The following ADK variants were observed in gnomAD, a reference collection of about 807,000 sequenced individuals.
ADK encodes the protein adenosine kinase.
A neutral mutation model predicts 44.7 loss-of-function variants in ADK; 24 were observed. The ratio of observed to expected loss-of-function variants is 0.54; its 90% CI spans 0.39 to 0.76. ADK has a LOEUF of 0.76. ADK is among the 30% of genes least tolerant of loss of function. The probability of loss-of-function intolerance (pLI) is 0.00; values close to 1 mark genes in which losing one functional copy is unlikely to be tolerated. For synonymous variants in ADK, 128 were observed against 142.6 expected (o/e 0.90, Z 0.73); for missense variants, 321 against 425.1 (o/e 0.76, Z 2.15).
At chr10:74,419,104 C>T (rs537134757) in intron 6 of ADK, among the ~76,000 whole-genome samples, 5 of 152,158 alleles carry the variant, frequency 3.3e-5, no homozygotes, top group Admixed American at 6.5e-5. Flanking sequence ...AAGCTTTTCA[C>T]GTGGTTTTAG....
At chr10:74,631,593 G>A (rs1209604219) in intron 9 of ADK, among the ~76,000 whole-genome samples, 2 of 151,912 alleles carry the variant, frequency 1.3e-5, no homozygotes, top group African/African-American at 4.8e-5. Context: ...GTACACAGTA[G>A]TATCACCTAT....
chr10:74,438,740 C>A (rs1333501877), intron 6 of ADK, among the ~76,000 whole-genome samples: 1 of 151,772 alleles, frequency 6.6e-6, no homozygotes, highest in Non-Finnish European at 1.5e-5. Context: ...CCTCCTTTAC[C>A]CCCTCTTTTT....
At chr10:74,517,543 G>A in intron 6 of ADK, among the ~76,000 whole-genome samples, 1 of 151,932 alleles carries the variant, frequency 6.6e-6, no homozygotes, top group East Asian at 1.9e-4. Flanking sequence ...ACAAAAACTA[G>A]CTGGGCGTCG....
At chr10:74,223,652 C>G (rs1376386647) in intron 2 of ADK, among the ~76,000 whole-genome samples, 2 of 151,914 alleles carry the variant, frequency 1.3e-5, no homozygotes, top group African/African-American at 4.8e-5. Flanking sequence ...TGTTTACCTT[C>G]AGCAGTACAA....
chr10:74,176,883 T>C (rs765483266), intron 1 of ADK: 3 of 1,609,962 alleles, frequency 1.9e-6, no homozygotes, highest in Admixed American at 3.3e-5. Flanking sequence ...ATGACGTCAG[T>C]CAGGTAACGA....
intron 6 of ADK, among the ~76,000 whole-genome samples, chr10:74,414,205 A>C (rs989945098): frequency 6.6e-6 from 1 of 152,174 alleles, no homozygotes; most frequent in African/African-American, 2.4e-5. Context: ...TAAACCTTCG[A>C]TTTGTAAAAA....
chr10:74,482,625 C>T (rs1168516148), intron 6 of ADK, among the ~76,000 whole-genome samples: 5 of 152,186 alleles, frequency 3.3e-5, no homozygotes, highest in Non-Finnish European at 5.9e-5. Flanking sequence ...CAATCTCTTC[C>T]ACCTCTGAGC....
chr10:74,484,359 C>T (rs370269196), intron 6 of ADK, among the ~76,000 whole-genome samples: 3 of 152,294 alleles, frequency 2.0e-5, no homozygotes, highest in East Asian at 3.9e-4. Context: ...CCCCACTAGG[C>T]CCCTCTTCTA....
At position 74,366,189 on chromosome 10, in the gene ADK, A is replaced by G. The variant is rs187989834; in HGVS notation, c.274-27952A>G. 3.0e-3 allele frequency among the ~76,000 whole-genome samples: 454 copies of G among 152,226 alleles called. 2 individuals are homozygous for G. The highest frequency in any genetic ancestry group is 0.01 in the African/African-American group (431 of 41,518). ...ATCTATTATTATAGTCTTGTTATTC[A>G]TAATTACTTGAATATTATCAGCATC... On this transcript the variant is annotated intron_variant, in intron 4 of 10. Coordinates refer to ENST00000539909, the MANE Select transcript of ADK (RefSeq NM_006721.4).
At chr10:74,672,835 C>T (rs1302453216) in intron 10 of ADK, among the ~76,000 whole-genome samples, 1 of 152,008 alleles carries the variant, frequency 6.6e-6, no homozygotes, top group African/African-American at 2.4e-5. Flanking sequence ...ATTTTTACCC[C>T]TATTTTACTG....
chr10:74,393,265 C>G (rs189899359), intron 4 of ADK, among the ~76,000 whole-genome samples: 7 of 152,090 alleles, frequency 4.6e-5, no homozygotes, highest in Admixed American at 3.3e-4. Flanking sequence ...ATTTTGCTAC[C>G]TGTAAGTCTT....
chr10:74,682,823 C>T (rs1855661705), intron 10 of ADK, among the ~76,000 whole-genome samples: 1 of 152,168 alleles, frequency 6.6e-6, no homozygotes, highest in South Asian at 2.1e-4. Context: ...ATCCACCCGC[C>T]TTGGCCTCCC....
chr10:74,553,610 T>A (rs923342642), intron 7 of ADK, among the ~76,000 whole-genome samples: 24 of 152,150 alleles, frequency 1.6e-4, no homozygotes, highest in African/African-American at 5.6e-4. Flanking sequence ...AAGAGTCAGA[T>A]GCAAAACAGT....
At chr10:74,296,840 T>C (rs1839836325) in intron 3 of ADK, among the ~76,000 whole-genome samples, 1 of 152,064 alleles carries the variant, frequency 6.6e-6, no homozygotes. Flanking sequence ...GGTCTTGATC[T>C]CCTGACCTCA....
At chr10:74,193,668 A>T (rs1843029495) in intron 1 of ADK, among the ~76,000 whole-genome samples, 1 of 151,982 alleles carries the variant, frequency 6.6e-6, no homozygotes, top group Non-Finnish European at 1.5e-5. Flanking sequence ...GTCCCAACTT[A>T]TTGGGAGGCT....
rs60670688 is a variant in ADK, at chr10:74,205,040, C to CAAAAA, written c.140+4227_140+4231dup. Among the ~76,000 whole-genome samples the CAAAAA allele has an allele frequency of 1.9e-3, 100 of 51,650 alleles. 1 individual carries two copies. Among genetic ancestry groups the CAAAAA allele is most frequent in the African/African-American group, 3.5e-3 (35 of 10,128 alleles). 33.9% of individuals were successfully genotyped at this position (51,650 alleles called of 152,430 possible). A position where few individuals can be genotyped will look rare whatever the true frequency, so the allele number is the denominator to read the frequency against. ...GGGTGACAGAGTTGACACTCTGTCT[C>CAAAAA]AAAAAAAAAAAAAAAAAAAAAAAAA... is the stretch of plus-strand genomic sequence containing the variant. On this transcript the variant is annotated intron_variant, in intron 2 of 10. Transcript: ENST00000539909.
intron 6 of ADK, among the ~76,000 whole-genome samples, chr10:74,499,842 T>C (rs986640362): frequency 6.6e-6 from 1 of 152,212 alleles, no homozygotes; most frequent in African/African-American, 2.4e-5. Flanking sequence ...CCCAATCTTA[T>C]ACTGTTCTGT....
intron 2 of ADK, among the ~76,000 whole-genome samples, chr10:74,207,688 T>A (rs550283296): frequency 1.3e-5 from 2 of 152,232 alleles, no homozygotes; most frequent in South Asian, 4.1e-4. Flanking sequence ...GGGAGAAGTG[T>A]GTGCTGATTG....
intron 2 of ADK, among the ~76,000 whole-genome samples, chr10:74,219,726 C>T (rs1248634227): frequency 1.4e-4 from 21 of 150,196 alleles, no homozygotes; most frequent in South Asian, 6.4e-4. Flanking sequence ...CACTCAAAAC[C>T]GCTCAACTAC....
Sources: allele counts gnomAD v4.1 joint callset (sites outside exome capture counted in the v4.1 genomes callset), GRCh38; gene constraint gnomAD v4.1.1; transcripts MANE v1.5; gene names NCBI Gene and HGNC (gene_info 2026-07-23, HGNC 2026-07-21).